Variants in C2CD3 observed in about 807,000 individuals in gnomAD.
C2CD3 encodes the protein C2 domain-containing protein 3.
A neutral mutation model predicts 234.0 loss-of-function variants in C2CD3; 148 were observed. That is an observed-to-expected ratio of 0.63 (90% CI 0.55 to 0.72). The LOEUF (loss-of-function observed/expected upper bound fraction) is 0.72, where lower values mean the gene tolerates loss of function less well. Ranked by LOEUF, C2CD3 falls within the 30% of genes least tolerant of loss-of-function variation. The pLI is 0.00. For missense variants in C2CD3, 2,577 were observed against 2,811.5 expected (o/e 0.92, Z 1.89); for synonymous variants, 1,000 against 1,035.4 (o/e 0.97, Z 0.66).
chr11:74,084,308 G>C (rs539384542), intron 22 of C2CD3, among the ~76,000 whole-genome samples: 2 of 152,184 alleles, frequency 1.3e-5, no homozygotes, highest in African/African-American at 4.8e-5. Context: ...TGGAGGGCAG[G>C]GGGAGGGATA....
rs114133184 is a variant in C2CD3 at position 74,139,921 on chromosome 11, T to C, written c.484-93A>G. 340 of 663,034 alleles carry C rather than the reference T, an allele frequency of 5.1e-4. 11 individuals carry two copies. The African/African-American group carries it at 7.9e-3, about 15-fold the overall frequency. The allele number at this position is 663,034 out of a possible 1,614,324, so 41.1% of individuals were successfully genotyped here. A position where few individuals can be genotyped will look rare whatever the true frequency, so the allele number is the denominator to read the frequency against. ...GCTTAATATTAATTAATGTCCCCCATTCCCTACAGGATTGTAAGGAATGTC... is the reference window on the plus strand; with the variant it reads ...GCTTAATATTAATTAATGTCCCCCACTCCCTACAGGATTGTAAGGAATGTC... On this transcript the variant is annotated intron_variant, in intron 3 of 32. Coordinates refer to ENST00000334126, the MANE Select transcript of C2CD3 (RefSeq NM_001286577.2).
In C2CD3 at chr11:74,123,113, A is replaced by T. The variant is rs892559943; in HGVS notation, c.1240T>A (p.Phe414Ile). 7.4e-6 allele frequency: 12 copies of T among 1,613,144 alleles called. No homozygotes were observed. The Admixed American group carries it at 8.3e-5, about 11-fold the overall frequency. ...LGSAELSQGN[F>I]WDGLGSPPDS... is the part of the protein sequence containing the mutation. ...GGAGGAGAGCCTAGCCCATCCCAGA[A>T]ATTGCCTTGGGATAATTCAGCACTG... The change falls in exon 8 of 33, where the codon TTC becomes ATC. Residue 414 changes from phenylalanine (F) to isoleucine (I), a missense_variant. Transcript: ENST00000334126.
chr11:74,048,107 G>C, intron 28 of C2CD3, 98 bp downstream of exon 28: 2 of 1,318,048 alleles, frequency 1.5e-6, no homozygotes, highest in Non-Finnish European at 2.1e-6. Context: ...ACCCTGTCTT[G>C]TTTTTTCCTC....
intron 22 of C2CD3, among the ~76,000 whole-genome samples, chr11:74,082,122 TA>T (rs202044502): frequency 8.9e-5 from 11 of 123,154 alleles, no homozygotes; most frequent in African/African-American, 2.7e-4. Flanking sequence ...TGGCTGTGGA[TA>T]TTTTTTTTTT....
chr11:74,096,771 A>C (rs1956122130), intron 16 of C2CD3, among the ~76,000 whole-genome samples: 1 of 152,218 alleles, frequency 6.6e-6, no homozygotes, highest in Non-Finnish European at 1.5e-5. Flanking sequence ...TGGGGATATT[A>C]ATGTGGCTTT....
At chr11:74,094,327 T>A (rs552551840) in intron 17 of C2CD3, among the ~76,000 whole-genome samples, 1 of 152,288 alleles carries the variant, frequency 6.6e-6, no homozygotes, top group African/African-American at 2.4e-5. Context: ...TAGCCATTTG[T>A]ATATCTTTGG....
intron 23 of C2CD3, among the ~76,000 whole-genome samples, chr11:74,076,127 C>T (rs1955028897): frequency 6.6e-6 from 1 of 152,220 alleles, no homozygotes; most frequent in South Asian, 2.1e-4. Context: ...ACTTGGTTCA[C>T]TTCAAGGACA....
intron 7 of C2CD3, among the ~76,000 whole-genome samples, chr11:74,123,785 C>A (rs896465060): frequency 5.0e-5 from 7 of 139,090 alleles, no homozygotes; most frequent in Non-Finnish European, 9.0e-5. Context: ...ATTGCCCAGG[C>A]TGGAGTGCCA....
chr11:74,139,563 C>A, intron 4 of C2CD3, 42 bp downstream of exon 4: 4 of 1,274,482 alleles, frequency 3.1e-6, no homozygotes, highest in Non-Finnish European at 3.4e-6. Flanking sequence ...AACTACAGTG[C>A]AGTTAACTGA....
At chr11:74,122,654 G>A (rs927177128) in intron 8 of C2CD3, among the ~76,000 whole-genome samples, 3 of 152,186 alleles carry the variant, frequency 2.0e-5, no homozygotes, top group Non-Finnish European at 4.4e-5. Flanking sequence ...AGTTAAGGAT[G>A]GTTCTGAGGG....
In C2CD3 at chr11:74,074,407, G is replaced by T. The variant is rs781262884; in HGVS notation, c.4797C>A (p.Val1599=). Residue 1599 remains valine (V), a synonymous_variant, in exon 24 of 33, where the codon GTC becomes GTA. Transcript: ENST00000334126. ...NDEVQLSPPE[V]ISCHQKSPAS... ...CAGGAGACTTCTGGTGGCAGGAGAT[G>T]ACTTCTGGTGGAGAGAGCTGGACCT... 1.9e-6 allele frequency: 3 copies of T among 1,614,082 alleles called. No homozygotes were observed. Among genetic ancestry groups the T allele is most frequent in the East Asian group, 4.5e-5 (2 of 44,888 alleles).
At chr11:74,027,633 C>T (rs1448797650) in intron 32 of C2CD3, among the ~76,000 whole-genome samples, 1 of 152,168 alleles carries the variant, frequency 6.6e-6, no homozygotes, top group Non-Finnish European at 1.5e-5. Flanking sequence ...ATTATTTGTG[C>T]TCCATGAAGA....
intron 15 of C2CD3, among the ~76,000 whole-genome samples, chr11:74,100,136 T>C (rs1203946370): frequency 5.3e-5 from 8 of 151,870 alleles, no homozygotes; most frequent in Admixed American, 5.3e-4. Flanking sequence ...GACAATAGAG[T>C]TTTTTGGTGA....
intron 26 of C2CD3, among the ~76,000 whole-genome samples, chr11:74,050,399 C>A (rs1356681943): frequency 6.6e-6 from 1 of 152,198 alleles, no homozygotes; most frequent in Middle Eastern, 3.2e-3. Flanking sequence ...AGAAGATTCT[C>A]TTTTTATTGG....
intron 3 of C2CD3, among the ~76,000 whole-genome samples, chr11:74,157,068 T>C (rs192177901): frequency 1.3e-5 from 2 of 152,362 alleles, no homozygotes; most frequent in Admixed American, 1.3e-4. Flanking sequence ...CATATGCACA[T>C]ATGCAAATTT....
At chr11:74,136,913 A>T (rs1193541524) in intron 5 of C2CD3, among the ~76,000 whole-genome samples, 1 of 151,904 alleles carries the variant, frequency 6.6e-6, no homozygotes, top group Non-Finnish European at 1.5e-5. Flanking sequence ...AAAACTGCAC[A>T]TTCTGCACAT....
At chr11:74,095,435 G>A (rs1298987197) in intron 16 of C2CD3, 27 bp from the exon 17 acceptor site, 2 of 1,556,620 alleles carry the variant, frequency 1.3e-6, no homozygotes, top group African/African-American at 1.4e-5. Flanking sequence ...AAACACTGGT[G>A]AGCTTTAAAG....
At chr11:74,140,195 T>A (rs1409956540) in intron 3 of C2CD3, among the ~76,000 whole-genome samples, 1 of 152,062 alleles carries the variant, frequency 6.6e-6, no homozygotes, top group Admixed American at 6.5e-5. Context: ...TGTCCCCCAT[T>A]AATTGTCTAA....
At chr11:74,075,452 G>C (rs1169922367) in intron 23 of C2CD3, among the ~76,000 whole-genome samples, 1 of 152,108 alleles carries the variant, frequency 6.6e-6, no homozygotes, top group Non-Finnish European at 1.5e-5. Context: ...TTTTTCATAA[G>C]CCAGAATCTC....
Sources: gnomAD v4.1 joint callset for allele counts (sites outside exome capture counted in the v4.1 genomes callset) on GRCh38, gnomAD v4.1.1 for gene constraint, MANE v1.5 for transcripts, NCBI Gene and HGNC (gene_info 2026-07-23, HGNC 2026-07-21) for gene names.